Variants in RASAL2 observed in about 807,000 individuals in gnomAD.
RASAL2 encodes the protein ras GTPase-activating protein nGAP.
In RASAL2, 58 loss-of-function variants were observed where a neutral mutation model predicts 128.9. The observed-to-expected ratio is 0.45, with a 90% CI of 0.36 to 0.56. The LOEUF (loss-of-function observed/expected upper bound fraction) is 0.56. Among genes scored for constraint, RASAL2 ranks in the 20% least tolerant of loss-of-function variants. The probability of loss-of-function intolerance (pLI) is 0.00; values close to 1 mark genes in which losing one functional copy is unlikely to be tolerated. For synonymous variants in RASAL2, 561 were observed against 580.8 expected (o/e 0.97, Z 0.49); for missense variants, 1,360 against 1,601.6 (o/e 0.85, Z 2.57).
chr1:178,235,647 A>C (rs1664200907), intron 1 of RASAL2, among the ~76,000 whole-genome samples: 2 of 151,910 alleles, frequency 1.3e-5, no homozygotes, highest in East Asian at 1.9e-4. Flanking sequence ...TGTATGTGCA[A>C]GTGAGGGGGG....
intron 1 of RASAL2, among the ~76,000 whole-genome samples, chr1:178,279,597 C>T (rs886211739): frequency 6.6e-5 from 10 of 152,042 alleles, no homozygotes; most frequent in African/African-American, 2.2e-4. Flanking sequence ...CTCCAGGACC[C>T]CCCCGATCTG....
intron 3 of RASAL2, among the ~76,000 whole-genome samples, chr1:178,385,516 T>C (rs1672514860): frequency 6.6e-6 from 1 of 152,114 alleles, no homozygotes; most frequent in Non-Finnish European, 1.5e-5. Flanking sequence ...TGGTGACGCA[T>C]GTCTGACCAG....
chr1:178,114,946 C>T (rs1423500816), intron 1 of RASAL2, among the ~76,000 whole-genome samples: 3 of 152,292 alleles, frequency 2.0e-5, no homozygotes, highest in East Asian at 1.9e-4. Flanking sequence ...TACCTATATT[C>T]ATGAGGAATA....
intron 3 of RASAL2, among the ~76,000 whole-genome samples, chr1:178,389,601 C>T (rs2102602251): frequency 6.6e-6 from 1 of 152,250 alleles, no homozygotes; most frequent in South Asian, 2.1e-4. Context: ...TTGGCAGCAG[C>T]TTTCAGTCTT....
At chr1:178,446,580 AT>A (rs1677014991) in intron 9 of RASAL2, among the ~76,000 whole-genome samples, 1 of 152,200 alleles carries the variant, frequency 6.6e-6, no homozygotes, top group Non-Finnish European at 1.5e-5. Flanking sequence ...TGTATTTCAC[AT>A]GTATCACACA....
intron 3 of RASAL2, among the ~76,000 whole-genome samples, chr1:178,324,123 A>G (rs183233732): frequency 6.6e-6 from 1 of 152,330 alleles, no homozygotes; most frequent in Admixed American, 6.5e-5. Context: ...ATGATTCAAA[A>G]GAAGAATGCA....
chr1:178,447,533 G>C (rs1380813490), intron 9 of RASAL2, among the ~76,000 whole-genome samples: 2 of 151,524 alleles, frequency 1.3e-5, no homozygotes, highest in Non-Finnish European at 2.9e-5. Flanking sequence ...AATTAGCCAG[G>C]CATGGTGGCG....
intron 4 of RASAL2, among the ~76,000 whole-genome samples, chr1:178,395,751 G>GAGAC (rs964203283): frequency 1.4e-5 from 2 of 138,622 alleles, no homozygotes; most frequent in Non-Finnish European, 3.0e-5. Flanking sequence ...GCCCTCCAGT[G>GAGAC]AGACCTCTTT....
At chr1:178,351,855 C>T (rs544136001) in intron 3 of RASAL2, among the ~76,000 whole-genome samples, 2 of 152,238 alleles carry the variant, frequency 1.3e-5, no homozygotes, top group South Asian at 2.1e-4. Flanking sequence ...CAGCCATTAG[C>T]CCTTTTCCCA....
intron 3 of RASAL2, among the ~76,000 whole-genome samples, chr1:178,349,794 A>G (rs1176445457): frequency 6.6e-6 from 1 of 152,196 alleles, no homozygotes; most frequent in Admixed American, 6.5e-5. Context: ...AAAAATATGT[A>G]TTTGGACTTT....
intron 1 of RASAL2, among the ~76,000 whole-genome samples, chr1:178,142,024 AG>A (rs2101860823): frequency 6.6e-6 from 1 of 152,188 alleles, no homozygotes; most frequent in African/African-American, 2.4e-5. Flanking sequence ...TGAGAGTGAA[AG>A]GGGGTAAGAG....
intron 1 of RASAL2, among the ~76,000 whole-genome samples, chr1:178,260,076 G>T (rs1185084267): frequency 6.6e-6 from 1 of 151,662 alleles, no homozygotes; most frequent in Non-Finnish European, 1.5e-5. Flanking sequence ...TTTGAGGCCA[G>T]GCGCGTTGGC....
At chr1:178,236,339 T>C (rs906935297) in intron 1 of RASAL2, among the ~76,000 whole-genome samples, 1 of 152,152 alleles carries the variant, frequency 6.6e-6, no homozygotes, top group African/African-American at 2.4e-5. Flanking sequence ...GTAATAACCA[T>C]GTACCTGTCT....
At chr1:178,446,917 G>A (rs1303104874) in intron 9 of RASAL2, among the ~76,000 whole-genome samples, 1 of 152,162 alleles carries the variant, frequency 6.6e-6, no homozygotes, top group Non-Finnish European at 1.5e-5. Context: ...TGGGGGAAAG[G>A]ACCCATAAAC....
chr1:178,102,431 T>C (rs1012384672), intron 1 of RASAL2, among the ~76,000 whole-genome samples: 12 of 152,094 alleles, frequency 7.9e-5, no homozygotes, highest in Admixed American at 7.2e-4. Flanking sequence ...AATCATAGCT[T>C]ACATATTATC....
rs559974511 is a variant in RASAL2 at position 178,177,556 on chromosome 1, A to G, written c.202+82862A>G. Among the ~76,000 whole-genome samples the G allele has an allele frequency of 1.3e-3, 205 of 152,300 alleles. 1 individual carries two copies. Among genetic ancestry groups the G allele is most frequent in the East Asian group, 1.5e-3 (8 of 5,186 alleles). ...AAAAAATATATTAAAAAGGAACAGT[A>G]CCTTCACTGGGAAATACAGGAAGAC... On this transcript the variant is annotated intron_variant, in intron 1 of 17. Coordinates refer to ENST00000367649, the MANE Select transcript of RASAL2 (RefSeq NM_170692.4).
intron 1 of RASAL2, among the ~76,000 whole-genome samples, chr1:178,135,171 C>T (rs553762970): frequency 4.6e-5 from 7 of 152,138 alleles, no homozygotes; most frequent in African/African-American, 1.4e-4. Flanking sequence ...AATCTTAAAA[C>T]GTCTATAAAG....
intron 1 of RASAL2, among the ~76,000 whole-genome samples, chr1:178,238,596 A>C (rs992856950): frequency 6.6e-6 from 1 of 151,808 alleles, no homozygotes; most frequent in East Asian, 1.9e-4. Context: ...TTCTGTGTGT[A>C]TGTGTGTATA....
intron 3 of RASAL2, chr1:178,341,500 G>A: frequency 1.3e-6 from 2 of 1,588,198 alleles, no homozygotes; most frequent in Non-Finnish European, 1.7e-6. Context: ...GAGAGAGCAG[G>A]AAAGCGAGCA....
Sources: allele counts gnomAD v4.1 joint callset (sites outside exome capture counted in the v4.1 genomes callset), GRCh38; gene constraint gnomAD v4.1.1; transcripts MANE v1.5; gene names NCBI Gene and HGNC (gene_info 2026-07-23, HGNC 2026-07-21).